Variants in CLCA4 observed in about 807,000 individuals in gnomAD.
CLCA4 encodes calcium-activated chloride channel regulator 4.
Under a neutral mutation model 78.9 loss-of-function variants are expected in CLCA4, and 69 were observed. That is an observed-to-expected ratio of 0.87 (90% confidence interval 0.72 to 1.07). The LOEUF (loss-of-function observed/expected upper bound fraction) is 1.07, where lower values mean the gene tolerates loss of function less well. CLCA4 is among the 50% of genes least tolerant of loss of function. The pLI is 0.00. For missense variants in CLCA4, 1,133 were observed against 1,095.8 expected (o/e 1.03, Z -0.48); for synonymous variants, 362 against 375.8 (o/e 0.96, Z 0.42).
At chr1:86,564,217 T>TAATA (rs1173209004) in intron 4 of CLCA4, among the ~76,000 whole-genome samples, 2 of 152,122 alleles carry the variant, frequency 1.3e-5, no homozygotes, top group Non-Finnish European at 2.9e-5. Flanking sequence ...GCATCACAGT[T>TAATA]AATAATAAAC....
intron 9 of CLCA4, among the ~76,000 whole-genome samples, chr1:86,573,659 G>A (rs1398001634): frequency 2.6e-5 from 4 of 151,990 alleles, no homozygotes; most frequent in Non-Finnish European, 5.9e-5. Context: ...CTGCAAACAA[G>A]TTAAAAATTA....
chr1:86,548,692 A>G (rs1389146241), intron 1 of CLCA4, among the ~76,000 whole-genome samples: 1 of 150,322 alleles, frequency 6.7e-6, no homozygotes, highest in Non-Finnish European at 1.5e-5. Context: ...TGGAAAAAAA[A>G]AAAAAAAAAA....
intron 1 of CLCA4, among the ~76,000 whole-genome samples, chr1:86,556,066 T>C (rs907167586): frequency 6.6e-6 from 1 of 152,210 alleles, no homozygotes; most frequent in Admixed American, 6.5e-5. Context: ...TGCTGAAACT[T>C]TGCTGAAGCT....
chr1:86,580,172 G>C lies in CLCA4; in HGVS notation c.2587G>C (p.Val863Leu), dbSNP rs1190625609. 6.2e-7 allele frequency: 1 copy of C among 1,612,580 alleles called. No homozygotes were observed. The highest frequency in any genetic ancestry group is 1.3e-5 in the African/African-American group (1 of 74,776). ...ATCAAAAGTATCCAACATTGCACAA[G>C]TAACTTTGTTTATCCCTCAAGCAAA... Reference protein sequence around the residue: ...LTSKVSNIAQVTLFIPQANPD... With the variant: ...LTSKVSNIAQLTLFIPQANPD... The change falls in exon 14 of 14, where the codon GTA becomes CTA. Residue 863 changes from valine (V) to leucine (L), a missense_variant. By Grantham distance (32) the Val-to-Leu change is conservative. Transcript: ENST00000370563.
intron 6 of CLCA4, among the ~76,000 whole-genome samples, chr1:86,566,223 G>A (rs992347829): frequency 7.9e-5 from 12 of 151,846 alleles, no homozygotes; most frequent in African/African-American, 2.7e-4. Context: ...CTAATCCAAG[G>A]GTCACTTCCT....
intron 7 of CLCA4, among the ~76,000 whole-genome samples, chr1:86,570,071 T>C (rs1403217338): frequency 6.6e-6 from 1 of 152,038 alleles, no homozygotes; most frequent in Non-Finnish European, 1.5e-5. Flanking sequence ...ATATTTCCCA[T>C]ATATTGCAAT....
chr1:86,548,626 G>A (rs1182819835), intron 1 of CLCA4, among the ~76,000 whole-genome samples: 3 of 145,298 alleles, frequency 2.1e-5, no homozygotes, highest in Non-Finnish European at 3.0e-5. Context: ...AGGTTGCAGT[G>A]AGCTGAGATC....
rs891880886 is a variant in CLCA4 at position 86,580,347 on chromosome 1, C to G, written c.*2C>G. The G allele has an allele frequency of 6.4e-7, 1 of 1,556,690 alleles. No individual in the cohort carries two copies. Among genetic ancestry groups the G allele is most frequent in the African/African-American group, 1.4e-5 (1 of 72,530 alleles). On this transcript the variant is annotated 3_prime_UTR_variant, in exon 14 of 14. Transcript: ENST00000370563. ...TTTATTTTAAGTACCACCATTTGAA[C>G]CTTAACGAAGAAAAAAATCTTCAAG...
chr1:86,567,310 C>T (rs1650226912), intron 6 of CLCA4, 114 bp from the exon 7 acceptor site: 7 of 889,122 alleles, frequency 7.9e-6, no homozygotes, highest in Non-Finnish European at 1.2e-5. Context: ...TTAACAACAT[C>T]AATTACCATT....
chr1:86,554,874 T>TTA (rs1649788297), intron 1 of CLCA4, among the ~76,000 whole-genome samples: 2 of 151,700 alleles, frequency 1.3e-5, no homozygotes, highest in Non-Finnish European at 2.9e-5. Context: ...TTTTTTTTTT[T>TTA]ACTTTTTAAT....
Position 86,570,497 on chromosome 1 carries a change from C to T in CLCA4, c.1183-580C>T, listed in dbSNP as rs1013176690. The stretch of plus-strand genomic sequence containing the variant: ...ATATTCTTTAAGCATCACCAATATG[C>T]TTACTTCTGTGCCAGTTATTATTAG... On this transcript the variant is annotated intron_variant, in intron 7 of 13. Transcript: ENST00000370563. Among the ~76,000 whole-genome samples, 2 of 152,018 alleles carry T rather than the reference C, an allele frequency of 1.3e-5. 1 individual carries two copies. The highest frequency in any genetic ancestry group is 2.9e-5 in the Non-Finnish European group (2 of 67,968).
chr1:86,572,781 G>A, intron 9 of CLCA4, 61 bp downstream of exon 9: 1 of 956,788 alleles, frequency 1.0e-6, no homozygotes, highest in Non-Finnish European at 1.7e-6. Context: ...AAACCATTTG[G>A]TGGTTATAAG....
chr1:86,553,231 A>G (rs1649718220), intron 1 of CLCA4: 10 of 1,088,412 alleles, frequency 9.2e-6, no homozygotes, highest in Non-Finnish European at 1.4e-5. Context: ...GACATGTCCA[A>G]GAGGGACTGC....
At position 86,560,329 on chromosome 1, in the gene CLCA4, GA is replaced by G; in HGVS notation, c.426del (p.Lys142AsnfsTer96). On this transcript the variant is annotated frameshift_variant, in exon 3 of 14. Transcript: ENST00000370563. LOFTEE classifies it high-confidence loss of function. ...CACTTCACCCCTGACCTTCTACTTG[GA>G]AAAAAACAAAATGAATATGGACCAC... ...YIHFTPDLLL[G>X]KKQNEYGPPG... 1.9e-6 allele frequency: 3 copies of G among 1,613,510 alleles called. No individual in the cohort carries two copies. The South Asian group carries it at 3.3e-5, about 18-fold the overall frequency.
intron 1 of CLCA4, chr1:86,552,989 G>A (rs1649711723): frequency 3.2e-6 from 2 of 624,320 alleles, no homozygotes; most frequent in East Asian, 5.4e-5. Context: ...CCCTGTGCGT[G>A]GCCGTCTCCC....
chr1:86,558,263 G>A (rs1040763369), intron 1 of CLCA4, among the ~76,000 whole-genome samples: 2 of 152,158 alleles, frequency 1.3e-5, no homozygotes, highest in African/African-American at 2.4e-5. Context: ...ATGTTGACTT[G>A]TTTGAGTGAC....
intron 1 of CLCA4, among the ~76,000 whole-genome samples, chr1:86,553,692 TG>T (rs1649736317): frequency 6.6e-6 from 1 of 152,214 alleles, no homozygotes. Flanking sequence ...CCCAGCACTT[TG>T]GGAGGCTGAG....
chr1:86,574,642 A>G lies in CLCA4; in HGVS notation c.1570A>G (p.Asn524Asp). 6.2e-7 allele frequency: 1 copy of G among 1,613,326 alleles called. No individual in the cohort carries two copies. Among genetic ancestry groups the G allele is most frequent in the African/African-American group, 1.3e-5 (1 of 74,980 alleles). ...GGACACGTTCTTTCTCATCACATGG[A>G]ACAGTCTGCCTCCCAGTATTTCTCT... ...GKDTFFLITW[N>D]SLPPSISLWD... The change falls in exon 10 of 14, where the codon AAC (asparagine) becomes GAC (aspartate). Residue 524 changes from asparagine to aspartate, a missense_variant. By Grantham distance (23) the Asn-to-Asp change is conservative. Coordinates refer to ENST00000370563, the MANE Select transcript of CLCA4 (RefSeq NM_012128.4).
chr1:86,564,358 T>C (rs1182512604), intron 4 of CLCA4, among the ~76,000 whole-genome samples: 1 of 152,182 alleles, frequency 6.6e-6, no homozygotes, highest in Non-Finnish European at 1.5e-5. Flanking sequence ...ATGTGAGAAC[T>C]GAAAGGTATA....
Sources: gnomAD v4.1 joint callset for allele counts (sites outside exome capture counted in the v4.1 genomes callset) on GRCh38, gnomAD v4.1.1 for gene constraint, MANE v1.5 for transcripts, NCBI Gene and HGNC (gene_info 2026-07-23, HGNC 2026-07-21) for gene names.